Variants in BICD1 observed in about 807,000 individuals in gnomAD.
BICD1 encodes BICD cargo adaptor 1, also known as protein bicaudal D homolog 1.
BICD1 carries 35 observed loss-of-function variants against 92.5 expected under a neutral mutation model. The observed-to-expected ratio is 0.38, with a 90% CI of 0.29 to 0.50. The LOEUF (loss-of-function observed/expected upper bound fraction) is 0.50, where lower values mean the gene tolerates loss of function less well. Ranked by LOEUF, BICD1 falls within the 20% of genes least tolerant of loss-of-function variation. The pLI, the probability that BICD1 is intolerant of heterozygous loss-of-function variation, is 0.93. For synonymous variants in BICD1, 429 were observed against 465.1 expected (o/e 0.92, Z 1.00); for missense variants, 950 against 1,189.8 (o/e 0.80, Z 2.97).
chr12:32,338,222 T>A (rs1049992079), intron 7 of BICD1: 2 of 196,542 alleles, frequency 1.0e-5, no homozygotes, highest in Admixed American at 5.3e-5. Flanking sequence ...ATGGTGCTGT[T>A]TATCAGCTTC....
At chr12:32,172,583 G>A (rs1943976893) in intron 1 of BICD1, among the ~76,000 whole-genome samples, 1 of 152,128 alleles carries the variant, frequency 6.6e-6, no homozygotes, top group Admixed American at 6.5e-5. Context: ...TGTTTTAAAG[G>A]AGTGGAAAGC....
At chr12:32,317,342 A>G (rs965339471) in intron 4 of BICD1, among the ~76,000 whole-genome samples, 8 of 152,086 alleles carry the variant, frequency 5.3e-5, no homozygotes, top group Non-Finnish European at 7.3e-5. Flanking sequence ...AAGTGTTCCT[A>G]TTTCTCCACA....
chr12:32,183,894 G>C (rs910700424), intron 1 of BICD1, among the ~76,000 whole-genome samples: 1 of 152,178 alleles, frequency 6.6e-6, no homozygotes, highest in Non-Finnish European at 1.5e-5. Context: ...TAGGGGGAGG[G>C]TGCTAAGCAA....
intron 8 of BICD1, among the ~76,000 whole-genome samples, chr12:32,342,502 C>T (rs1416648033): frequency 3.3e-5 from 5 of 151,798 alleles, no homozygotes; most frequent in Non-Finnish European, 7.4e-5. Context: ...TCCGCCATCT[C>T]GGCCTCCCAA....
intron 2 of BICD1, among the ~76,000 whole-genome samples, chr12:32,263,315 G>C (rs956435955): frequency 1.3e-5 from 2 of 152,084 alleles, no homozygotes; most frequent in Non-Finnish European, 2.9e-5. Context: ...TTGGGAGGCC[G>C]AGGCGGGTGG....
At chr12:32,349,649 T>A (rs1938780606) in intron 8 of BICD1, among the ~76,000 whole-genome samples, 1 of 111,776 alleles carries the variant, frequency 8.9e-6, no homozygotes, top group South Asian at 2.6e-4. Flanking sequence ...TGTATGCTTA[T>A]AACAGCATAC....
At chr12:32,205,235 T>G (rs1465080274) in intron 1 of BICD1, among the ~76,000 whole-genome samples, 1 of 152,144 alleles carries the variant, frequency 6.6e-6, no homozygotes, top group Non-Finnish European at 1.5e-5. Context: ...CCTAGAACCC[T>G]GAAAAAATTG....
chr12:32,254,396 G>T (rs185855055), intron 2 of BICD1, among the ~76,000 whole-genome samples: 1 of 152,326 alleles, frequency 6.6e-6, no homozygotes, highest in East Asian at 1.9e-4. Flanking sequence ...CATATTCACT[G>T]CTGTATCCCA....
At chr12:32,272,813 A>G (rs1252381880) in intron 2 of BICD1, among the ~76,000 whole-genome samples, 1 of 152,202 alleles carries the variant, frequency 6.6e-6, no homozygotes, top group Non-Finnish European at 1.5e-5. Flanking sequence ...TAATTGATTG[A>G]AAAGTTTATT....
intron 1 of BICD1, among the ~76,000 whole-genome samples, chr12:32,175,038 A>G (rs535033531): frequency 6.6e-6 from 1 of 152,350 alleles, no homozygotes; most frequent in East Asian, 1.9e-4. Context: ...TATTGTAACT[A>G]TAAGACAAAG....
At chr12:32,350,021 G>C (rs1938795788) in intron 8 of BICD1, among the ~76,000 whole-genome samples, 1 of 152,190 alleles carries the variant, frequency 6.6e-6, no homozygotes, top group Non-Finnish European at 1.5e-5. Flanking sequence ...TAAACGGTTA[G>C]GAAAATTGAC....
intron 1 of BICD1, among the ~76,000 whole-genome samples, chr12:32,197,873 C>T (rs1944769482): frequency 6.6e-6 from 1 of 151,542 alleles, no homozygotes. Flanking sequence ...GAGTGACTCT[C>T]CAGCACAAAG....
intron 2 of BICD1, among the ~76,000 whole-genome samples, chr12:32,223,928 A>G (rs939514202): frequency 1.3e-5 from 2 of 152,210 alleles, no homozygotes; most frequent in African/African-American, 4.8e-5. Context: ...TTTATGGGTT[A>G]AGTTTGCTGT....
intron 3 of BICD1, among the ~76,000 whole-genome samples, chr12:32,303,018 T>C (rs1389539802): frequency 1.3e-5 from 2 of 148,436 alleles, no homozygotes; most frequent in Non-Finnish European, 3.0e-5. Context: ...ACTGCAGCCT[T>C]GACCTCCCTG....
chr12:32,382,820 G>T lies in BICD1; in HGVS notation c.*5193G>T, dbSNP rs530996062. ...AAAGATGAGAGAACTATAAAGTAAG[G>T]GGAAATATCATTTTATTTAAAAATA... On this transcript the variant is annotated 3_prime_UTR_variant, in exon 10 of 10. Coordinates refer to ENST00000652176, the MANE Select transcript of BICD1 (RefSeq NM_001714.4). 1 of 151,570 alleles carries T rather than the reference G, an allele frequency of 6.6e-6. No individual in the cohort carries two copies. Among genetic ancestry groups the T allele is most frequent in the South Asian group, 2.1e-4 (1 of 4,784 alleles). 9.4% of individuals were successfully genotyped at this position (151,570 alleles called of 1,614,324 possible).
intron 1 of BICD1, among the ~76,000 whole-genome samples, chr12:32,190,514 A>G (rs762889991): frequency 2.3e-4 from 35 of 152,256 alleles, no homozygotes; most frequent in Non-Finnish European, 3.7e-4. Context: ...AGATCACTAT[A>G]TAATAATAAA....
intron 2 of BICD1, among the ~76,000 whole-genome samples, chr12:32,238,211 G>T (rs564500734): frequency 6.6e-6 from 1 of 151,996 alleles, no homozygotes; most frequent in East Asian, 1.9e-4. Flanking sequence ...ACCAGCCTGG[G>T]CAACACAGTG....
At chr12:32,246,524 A>C (rs1565615428) in intron 2 of BICD1, among the ~76,000 whole-genome samples, 1 of 151,950 alleles carries the variant, frequency 6.6e-6, no homozygotes, top group Non-Finnish European at 1.5e-5. Flanking sequence ...TATAGTCTCA[A>C]CTACTTTGGA....
chr12:32,336,185 T>C (rs1405474010), intron 6 of BICD1, among the ~76,000 whole-genome samples: 2 of 152,222 alleles, frequency 1.3e-5, no homozygotes, highest in Non-Finnish European at 2.9e-5. Flanking sequence ...TTTTTTGGCA[T>C]GAACAGTATT....
Sources: gnomAD v4.1 joint callset for allele counts (sites outside exome capture counted in the v4.1 genomes callset) on GRCh38, gnomAD v4.1.1 for gene constraint, MANE v1.5 for transcripts, NCBI Gene and HGNC (gene_info 2026-07-23, HGNC 2026-07-21) for gene names.